Variants in BSCL2 observed in about 807,000 individuals in gnomAD.
BSCL2 encodes the protein BSCL2 lipid droplet biogenesis associated, seipin.
BSCL2 carries 41 observed loss-of-function variants against 57.4 expected under a neutral mutation model. The ratio of observed to expected loss-of-function variants is 0.71; its 90% CI spans 0.56 to 0.93. The LOEUF is 0.93. Ranked by LOEUF, BSCL2 falls within the 40% of genes least tolerant of loss-of-function variation. BSCL2 has a pLI of 0.00. For synonymous variants in BSCL2, 237 were observed against 227.3 expected (o/e 1.04, Z -0.38); for missense variants, 539 against 586.7 (o/e 0.92, Z 0.84).
chr11:62,695,868 T>C (rs1420710189), intron 3 of BSCL2, among the ~76,000 whole-genome samples: 2 of 151,738 alleles, frequency 1.3e-5, no homozygotes, highest in Non-Finnish European at 2.9e-5. Flanking sequence ...TGTACCTTCT[T>C]ATTGCCAGTC....
At chr11:62,705,749 T>C (rs2083519801) in intron 1 of BSCL2, 132 bp from the exon 2 acceptor site, 3 of 900,300 alleles carry the variant, frequency 3.3e-6, no homozygotes, top group South Asian at 1.8e-5. Flanking sequence ...TATATGGCCT[T>C]TCTCCAAATG....
rs946601307 is a variant in BSCL2 at position 62,702,649 on chromosome 11, C to T, written c.405-100G>A. The T allele has an allele frequency of 1.4e-5, 13 of 929,392 alleles. No individual in the cohort carries two copies. The East Asian group carries it at 3.0e-4, about 22-fold the overall frequency. 57.6% of individuals were successfully genotyped at this position (929,392 alleles called of 1,614,324 possible). ...GGGCTCCCTCCTGCCCTCCTCCCTT[C>T]TCTCAGAACAGGCACCCTTCTCTCT... On this transcript the variant is annotated intron_variant, in intron 2 of 10. Coordinates refer to ENST00000360796, the MANE Select transcript of BSCL2 (RefSeq NM_001122955.4).
intron 3 of BSCL2, among the ~76,000 whole-genome samples, chr11:62,700,953 A>C (rs1354078348): frequency 9.9e-3 from 3 of 302 alleles, no homozygotes; most frequent in Non-Finnish European, 0.022. Flanking sequence ...ACTCTGTCTC[A>C]AAAAAAAAAA....
Position 62,706,446 on chromosome 11 carries a change from C to T in BSCL2, c.87+663G>A, listed in dbSNP as rs189232519. 1.3e-3 allele frequency: 565 copies of T among 426,868 alleles called. 2 individuals carry two copies. The highest frequency in any genetic ancestry group is 2.0e-3 in the Non-Finnish European group (485 of 243,422). 26.4% of individuals were successfully genotyped at this position (426,868 alleles called of 1,614,324 possible). A position where few individuals can be genotyped will look rare whatever the true frequency, so the allele number is the denominator to read the frequency against. ...GAGCTGCGAGGTCGCTGTCTCCTTG[C>T]GCTCGCCACTGGCTCTCTCTGCGGC... On this transcript the variant is annotated intron_variant, in intron 1 of 10. Coordinates refer to ENST00000360796, the MANE Select transcript of BSCL2 (RefSeq NM_001122955.4).
At chr11:62,697,391 A>C (rs1360977983) in intron 3 of BSCL2, 2 of 150,712 alleles carry the variant, frequency 1.3e-5, no homozygotes, top group African/African-American at 4.9e-5. Context: ...TCTCAAAAAA[A>C]AAAAAAAAAA....
Position 62,691,311 on chromosome 11 carries a change from C to A in BSCL2, c.974G>T (p.Gly325Val), listed in dbSNP as rs1281492913. The A allele has an allele frequency of 1.9e-6, 3 of 1,613,974 alleles. No homozygotes were observed. The highest frequency in any genetic ancestry group is 8.5e-7 in the Non-Finnish European group (1 of 1,179,970). Residue 325 changes from glycine to valine, a missense_variant, in exon 7 of 11, where the codon GGC becomes GTC. Coordinates refer to ENST00000360796, the MANE Select transcript of BSCL2 (RefSeq NM_001122955.4). ...AGAGAAGCGGTGTCGGGGCCAGATG[C>A]CCCCCCACACCCACTGCATGTAGCT... Reference protein sequence around the residue: ...LFSYMQWVWGGIWPRHRFSLQ... With the variant: ...LFSYMQWVWGVIWPRHRFSLQ...
chr11:62,697,793 C>CA (rs1239385916), intron 3 of BSCL2, among the ~76,000 whole-genome samples: 3,202 of 105,524 alleles, frequency 0.03, 74 homozygotes, highest in African/African-American at 0.073. Flanking sequence ...GACTCTGTAT[C>CA]AAAAAAAAAA....
chr11:62,695,345 G>T (rs1162729309), intron 3 of BSCL2, among the ~76,000 whole-genome samples: 1 of 151,378 alleles, frequency 6.6e-6, no homozygotes, highest in Non-Finnish European at 1.5e-5. Flanking sequence ...CCCTCACACA[G>T]TAGTATATAA....
At position 62,705,570 on chromosome 11, in the gene BSCL2, G is replaced by A. The variant is rs2083515667; in HGVS notation, c.135C>T (p.Gly45=). The A allele has an allele frequency of 6.3e-7, 1 of 1,589,710 alleles. No homozygotes were observed. Among genetic ancestry groups the A allele is most frequent in the Middle Eastern group, 1.7e-4 (1 of 5,992 alleles). ...ASHGQGWRPG[G]RAARNARPEP... is the part of the protein sequence containing the mutation. ...CAGGCCTTGCGTTCCTAGCTGCTCT[G>A]CCACCTGGACGCCACCCCTGGCCAT... Residue 45 remains glycine (G), a synonymous_variant, in exon 2 of 11, where the codon GGC becomes GGT. Transcript: ENST00000360796.
At chr11:62,700,817 G>A (rs1022166284) in intron 3 of BSCL2, among the ~76,000 whole-genome samples, 1 of 152,110 alleles carries the variant, frequency 6.6e-6, no homozygotes, top group Non-Finnish European at 1.5e-5. Context: ...GCCGGGTGTG[G>A]TGGTGGGCAC....
In BSCL2 at chr11:62,705,628, A is replaced by T; in HGVS notation, c.88-11T>A. ...AGCAGCTGGTGGTTCCTGGAAAGAG[A>T]GGGTGAGGGAAAAGAGTGACTCCTT... On this transcript the variant is annotated splice_polypyrimidine_tract_variant and intron_variant, in intron 1 of 10. Coordinates refer to ENST00000360796, the MANE Select transcript of BSCL2 (RefSeq NM_001122955.4). The T allele has an allele frequency of 1.3e-6, 2 of 1,502,592 alleles. No homozygotes were observed. The highest frequency in any genetic ancestry group is 1.8e-6 in the Non-Finnish European group (2 of 1,120,354). The allele number at this position is 1,502,592 out of a possible 1,614,324, so 93.1% of individuals were successfully genotyped here.
intron 3 of BSCL2, among the ~76,000 whole-genome samples, chr11:62,700,657 T>A (rs1305122524): frequency 6.7e-6 from 1 of 149,724 alleles, no homozygotes; most frequent in African/African-American, 2.5e-5. Flanking sequence ...AATAAATAAA[T>A]AAATAAAACT....
At chr11:62,706,483 C>CGCA (rs2083540598) in intron 1 of BSCL2, 1 of 398,234 alleles carries the variant, frequency 2.5e-6, no homozygotes, top group African/African-American at 2.1e-5. Flanking sequence ...GGTTTCCCTC[C>CGCA]GGTTACCGTG....
intron 1 of BSCL2, chr11:62,706,252 G>A (rs2083531894): frequency 5.5e-6 from 6 of 1,096,276 alleles, no homozygotes; most frequent in Admixed American, 5.0e-5. Context: ...CAGGGCTGCC[G>A]ACTCACCAGC....
At chr11:62,696,471 A>T (rs1048079149) in intron 3 of BSCL2, among the ~76,000 whole-genome samples, 124 of 147,128 alleles carry the variant, frequency 8.4e-4, no homozygotes, top group African/African-American at 2.7e-3. Flanking sequence ...TGCAACTAAA[A>T]ATTTTTTTTT....
At chr11:62,707,974 G>A (rs1431552063), upstream of BSCL2, 5 of 378,976 alleles carry the variant, frequency 1.3e-5, no homozygotes, top group East Asian at 2.1e-4. Context: ...GGGGTGATGT[G>A]CCCTCCTCAT....
At chr11:62,708,528 G>C, upstream of BSCL2, 1 of 1,261,490 alleles carries the variant, frequency 7.9e-7, no homozygotes, top group Non-Finnish European at 1.1e-6. Context: ...GCTCTGTAGA[G>C]AGAGCTGTCC....
chr11:62,694,597 C>T lies in BSCL2; in HGVS notation c.601G>A (p.Gly201Ser). The T allele has an allele frequency of 6.2e-7, 1 of 1,614,098 alleles. No homozygotes were observed. The highest frequency in any genetic ancestry group is 8.5e-7 in the Non-Finnish European group (1 of 1,180,028). Reference protein sequence around the residue: ...LVTISCYTRGGRIISTSSRSV... With the variant: ...LVTISCYTRGSRIISTSSRSV... ...CGCGAAGAAGTGGAGATGATTCGGC[C>T]ACCTCTGGTGTAGCAGGAAATGGTG... The change falls in exon 4 of 11, where the codon GGC becomes AGC. Residue 201 changes from glycine to serine, a missense_variant. Transcript: ENST00000360796.
upstream of BSCL2, chr11:62,708,727 G>C (rs2083584839): frequency 6.2e-7 from 1 of 1,613,972 alleles, no homozygotes; most frequent in African/African-American, 1.3e-5. Context: ...GCCCACGCCT[G>C]TGAGGATCCC....
Sources: gnomAD v4.1 joint callset for allele counts (sites outside exome capture counted in the v4.1 genomes callset) on GRCh38, gnomAD v4.1.1 for gene constraint, MANE v1.5 for transcripts, NCBI Gene and HGNC (gene_info 2026-07-23, HGNC 2026-07-21) for gene names.